Variants in IPP observed in about 807,000 individuals in gnomAD.
IPP encodes intracisternal A particle-promoted polypeptide.
A neutral mutation model predicts 64.1 loss-of-function variants in IPP; 41 were observed. The ratio of observed to expected loss-of-function variants is 0.64; its 90% CI spans 0.50 to 0.83. IPP has a LOEUF of 0.83. Ranked by LOEUF, IPP falls within the 40% of genes least tolerant of loss-of-function variation. The pLI is 0.00. For synonymous variants in IPP, 214 were observed against 235.2 expected, an observed-to-expected ratio of 0.91 and a Z score of 0.83; for missense variants, 649 against 703.0, an observed-to-expected ratio of 0.92 and a Z score of 0.87.
chr1:45,710,620 T>TA (rs752831333), intron 8 of IPP, among the ~76,000 whole-genome samples: 130 of 6,280 alleles, frequency 0.021, 13 homozygotes, highest in Non-Finnish European at 0.029. Context: ...AGACTCTGTC[T>TA]AAAAAAAAAA....
chr1:45,733,218 A>G (rs920453322), intron 3 of IPP, among the ~76,000 whole-genome samples: 5 of 151,624 alleles, frequency 3.3e-5, no homozygotes, highest in Admixed American at 6.6e-5. Flanking sequence ...CAAGGTCAGG[A>G]GTTCGAGAAC....
rs1645415492 is a variant in IPP at position 45,699,050 on chromosome 1, T to G, written c.*916A>C. 1.0e-6 allele frequency: 1 copy of G among 985,366 alleles called. No individual in the cohort carries two copies. Among genetic ancestry groups the G allele is most frequent in the Non-Finnish European group, 1.2e-6 (1 of 830,060 alleles). 61.0% of individuals were successfully genotyped at this position (985,366 alleles called of 1,614,324 possible). On this transcript the variant is annotated 3_prime_UTR_variant, in exon 9 of 9. Coordinates refer to ENST00000396478, the MANE Select transcript of IPP (RefSeq NM_005897.3). ...CCTAAAAAAGGGAGAAATTTCTAGG[T>G]GCATACTGCCTGCTGGACTGTATAG...
At chr1:45,712,910 G>A (rs1378117473) in intron 8 of IPP, among the ~76,000 whole-genome samples, 1 of 149,768 alleles carries the variant, frequency 6.7e-6, no homozygotes, top group African/African-American at 2.4e-5. Flanking sequence ...ATCCGCCTTG[G>A]GCTCCCAAAG....
intron 8 of IPP, 127 bp downstream of exon 8, chr1:45,714,119 G>A (rs1270349021): frequency 4.8e-6 from 3 of 624,056 alleles, no homozygotes; most frequent in Non-Finnish European, 5.4e-6. Flanking sequence ...TTCTTCTTTG[G>A]AAAGAAAAAA....
At position 45,740,974 on chromosome 1, in the gene IPP, T is replaced by C. The variant is rs1478642311; in HGVS notation, c.651A>G (p.Lys217=). The change falls in exon 3 of 9, where the codon AAA becomes AAG. Residue 217 remains lysine, a synonymous_variant. Transcript: ENST00000396478. ...TTGGGTCTAGCACTTCCACCACATG[T>C]TTTCTTCTTTTTCCCAAATCTTTCA... ...WILKDLGKRR[K]HVVEVLDPIR... 6.2e-7 allele frequency: 1 copy of C among 1,613,768 alleles called. No homozygotes were observed. Among genetic ancestry groups the C allele is most frequent in the Non-Finnish European group, 8.5e-7 (1 of 1,179,898 alleles).
At chr1:45,729,238 A>G (rs1229553943) in intron 4 of IPP, among the ~76,000 whole-genome samples, 1 of 151,526 alleles carries the variant, frequency 6.6e-6, no homozygotes, top group Non-Finnish European at 1.5e-5. Flanking sequence ...ATTGGTTCCT[A>G]TCACTCCTAA....
intron 6 of IPP, among the ~76,000 whole-genome samples, chr1:45,717,414 C>T (rs1645675401): frequency 6.6e-6 from 1 of 152,080 alleles, no homozygotes; most frequent in South Asian, 2.1e-4. Context: ...AGGCCAGCTC[C>T]AAACCTAATC....
At chr1:45,700,300 C>A (rs1645435270) in intron 8 of IPP, 110 bp from the exon 9 acceptor site, 7 of 1,389,780 alleles carry the variant, frequency 5.0e-6, no homozygotes, top group South Asian at 4.4e-5. Context: ...AAATGTAAAA[C>A]TATCTAGTCA....
At chr1:45,706,075 G>A (rs925108395) in intron 8 of IPP, among the ~76,000 whole-genome samples, 1 of 152,136 alleles carries the variant, frequency 6.6e-6, no homozygotes, top group East Asian at 1.9e-4. Flanking sequence ...ATGCTAAGGT[G>A]AGATTCCGTG....
chr1:45,707,119 T>G (rs370545323), intron 8 of IPP, among the ~76,000 whole-genome samples: 21 of 152,194 alleles, frequency 1.4e-4, no homozygotes, highest in African/African-American at 5.1e-4. Context: ...ATGACAGAGA[T>G]GATGAAATTA....
downstream of IPP, among the ~76,000 whole-genome samples, chr1:45,696,073 T>C (rs1242415145): frequency 1.3e-5 from 2 of 152,242 alleles, no homozygotes; most frequent in Non-Finnish European, 2.9e-5. Flanking sequence ...GCATGAATGC[T>C]ATACAAATTT....
chr1:45,699,756 G>A lies in IPP; in HGVS notation c.*210C>T. Reference sequence around the variant, plus strand: ...TAGCTTACTACAACCTCAAATTCCTGGGCTCAAGTGATCCTTCTGCCTCAG... The same window carrying A: ...TAGCTTACTACAACCTCAAATTCCTAGGCTCAAGTGATCCTTCTGCCTCAG... On this transcript the variant is annotated 3_prime_UTR_variant, in exon 9 of 9. Coordinates refer to ENST00000396478, the MANE Select transcript of IPP (RefSeq NM_005897.3). The A allele has an allele frequency of 2.3e-6, 3 of 1,317,652 alleles. No individual in the cohort carries two copies. The highest frequency in any genetic ancestry group is 3.0e-6 in the Non-Finnish European group (3 of 1,010,418). 81.6% of individuals were successfully genotyped at this position (1,317,652 alleles called of 1,614,324 possible). A position where few individuals can be genotyped will look rare whatever the true frequency, so the allele number is the denominator to read the frequency against.
chr1:45,724,737 G>A (rs1645786824), intron 5 of IPP, among the ~76,000 whole-genome samples: 1 of 151,316 alleles, frequency 6.6e-6, no homozygotes, highest in African/African-American at 2.4e-5. Flanking sequence ...GAAACCCTCT[G>A]CCTGGCAACC....
At chr1:45,717,236 A>T (rs1333908646) in intron 6 of IPP, among the ~76,000 whole-genome samples, 1 of 151,554 alleles carries the variant, frequency 6.6e-6, no homozygotes, top group African/African-American at 2.4e-5. Context: ...AAAAAAAAAA[A>T]AAAAAAAAGG....
chr1:45,747,893 T>C (rs1210864760), intron 1 of IPP, among the ~76,000 whole-genome samples: 1 of 94,754 alleles, frequency 1.1e-5, no homozygotes, highest in Non-Finnish European at 2.2e-5. Context: ...ATATAAGACA[T>C]ATGGAATAGC....
chr1:45,750,106 G>A (rs1282583087), intron 1 of IPP, among the ~76,000 whole-genome samples: 1 of 152,176 alleles, frequency 6.6e-6, no homozygotes, highest in East Asian at 1.9e-4. Flanking sequence ...AACTAAAGCG[G>A]ACCTATGTTT....
chr1:45,705,753 C>T (rs1050670478), intron 8 of IPP, among the ~76,000 whole-genome samples: 3 of 152,090 alleles, frequency 2.0e-5, no homozygotes, highest in African/African-American at 7.2e-5. Flanking sequence ...CTGCAGTGAG[C>T]CAAGACTGCC....
intron 8 of IPP, among the ~76,000 whole-genome samples, chr1:45,705,763 C>T (rs1054422758): frequency 6.6e-6 from 1 of 152,038 alleles, no homozygotes; most frequent in African/African-American, 2.4e-5. Context: ...CCAAGACTGC[C>T]CCACTGCACT....
At chr1:45,729,921 G>A in intron 3 of IPP, 152 bp from the exon 4 acceptor site, 1 of 557,142 alleles carries the variant, frequency 1.8e-6, no homozygotes. Flanking sequence ...CCAAATATTG[G>A]TACTGACTAT....
Sources: allele counts gnomAD v4.1 joint callset (sites outside exome capture counted in the v4.1 genomes callset), GRCh38; gene constraint gnomAD v4.1.1; transcripts MANE v1.5; gene names NCBI Gene and HGNC (gene_info 2026-07-23, HGNC 2026-07-21).